The following CDS1 variants were observed in gnomAD, a reference collection of about 807,000 sequenced individuals.
CDS1 encodes the protein phosphatidate cytidylyltransferase 1.
In CDS1, 41 loss-of-function variants were observed where a neutral mutation model predicts 62.1. The ratio of observed to expected loss-of-function variants is 0.66; its 90% confidence interval spans 0.51 to 0.86. The LOEUF is 0.86. Ranked by LOEUF, CDS1 falls within the 40% of genes least tolerant of loss-of-function variation. The pLI is 0.00. For missense variants in CDS1, 470 were observed against 550.1 expected (o/e 0.85, Z 1.46); for synonymous variants, 185 against 192.6 (o/e 0.96, Z 0.32).
At chr4:84,601,575 C>A (rs1290333396) in intron 1 of CDS1, among the ~76,000 whole-genome samples, 2 of 152,106 alleles carry the variant, frequency 1.3e-5, no homozygotes, top group Non-Finnish European at 2.9e-5. Flanking sequence ...AAATTATGAC[C>A]TGGAGAAGAA....
chr4:84,595,122 A>G (rs1229560274), intron 1 of CDS1, among the ~76,000 whole-genome samples: 1 of 152,192 alleles, frequency 6.6e-6, no homozygotes, highest in Non-Finnish European at 1.5e-5. Context: ...CAAAGCTGCA[A>G]AGAGGGAGAG....
chr4:84,623,647 A>G (rs533686513), intron 5 of CDS1, among the ~76,000 whole-genome samples: 2 of 152,198 alleles, frequency 1.3e-5, no homozygotes, highest in African/African-American at 2.4e-5. Context: ...ATGGAATACA[A>G]ACTATCATTT....
chr4:84,642,978 T>C, intron 10 of CDS1, 46 bp from the exon 11 acceptor site: 1 of 1,567,564 alleles, frequency 6.4e-7, no homozygotes, highest in Non-Finnish European at 8.7e-7. Context: ...TCAAATACAA[T>C]TTCAGTGAAA....
chr4:84,635,147 A>G (rs1724138003), intron 7 of CDS1, 117 bp from the exon 8 acceptor site: 1 of 605,180 alleles, frequency 1.7e-6, no homozygotes. Context: ...GGTAGGCTGC[A>G]GTGCAATCCA....
intron 3 of CDS1, among the ~76,000 whole-genome samples, chr4:84,613,006 A>G (rs10446678): frequency 0.34 from 50,348 of 148,192 alleles, 8,871 homozygotes; most frequent in East Asian, 0.48. Context: ...AAAAAAAAAA[A>G]AGAATATTAA....
chr4:84,615,400 C>G (rs748041864), intron 3 of CDS1, among the ~76,000 whole-genome samples: 5 of 152,244 alleles, frequency 3.3e-5, no homozygotes, highest in Non-Finnish European at 7.4e-5. Context: ...TGCTTCAACT[C>G]CTCGGTGCAC....
chr4:84,607,391 C>T (rs561751063), intron 2 of CDS1, among the ~76,000 whole-genome samples: 17 of 151,854 alleles, frequency 1.1e-4, no homozygotes, highest in Admixed American at 2.6e-4. Context: ...TCAAGTGTTC[C>T]TCCCACCTCA....
rs1724635712 is a variant in CDS1 at position 84,649,030 on chromosome 4, C to A, written c.*344C>A. The A allele has an allele frequency of 1.7e-5, 3 of 172,164 alleles. No individual in the cohort carries two copies. The highest frequency in any genetic ancestry group is 7.1e-5 in the African/African-American group (3 of 42,028). 10.7% of individuals were successfully genotyped at this position (172,164 alleles called of 1,614,324 possible). On this transcript the variant is annotated 3_prime_UTR_variant, in exon 13 of 13. Coordinates refer to ENST00000295887, the MANE Select transcript of CDS1 (RefSeq NM_001263.4). The stretch of plus-strand genomic sequence containing the variant: ...AGTTGACGATGTTTTAAGATTGCAC[C>A]TGGCAGTGTGCCTTTTTGCACAAAT...
At chr4:84,611,435 A>G (rs1283264029) in intron 3 of CDS1, among the ~76,000 whole-genome samples, 4 of 151,886 alleles carry the variant, frequency 2.6e-5, no homozygotes, top group Admixed American at 6.6e-5. Flanking sequence ...CATTTTGCCA[A>G]TCTCCCTCCA....
At chr4:84,592,225 A>G (rs1036984952) in intron 1 of CDS1, among the ~76,000 whole-genome samples, 2 of 122,920 alleles carry the variant, frequency 1.6e-5, no homozygotes, top group East Asian at 5.4e-4. Flanking sequence ...GTGCAGTGGC[A>G]CGATCTTGGG....
Position 84,635,295 on chromosome 4 carries a change from AAT to A in CDS1, c.755_756del (p.Asn252ArgfsTer18). Reference sequence around the variant, plus strand: ...TGTTCCAATATCAAGTGTTATCTGCAATGACATAACTGCTTACCTTTTTGGAT... The same window carrying A: ...TGTTCCAATATCAAGTGTTATCTGCAGACATAACTGCTTACCTTTTTGGAT... ...FLVPISSVIC[N>X]DITAYLFGFF... On this transcript the variant is annotated frameshift_variant, in exon 8 of 13. Transcript: ENST00000295887. LOFTEE classifies it high-confidence loss of function. 2 of 1,581,924 alleles carry A rather than the reference AAT, an allele frequency of 1.3e-6. No individual in the cohort carries two copies. The highest frequency in any genetic ancestry group is 1.7e-6 in the Non-Finnish European group (2 of 1,161,932).
intron 1 of CDS1, among the ~76,000 whole-genome samples, chr4:84,594,660 T>G (rs1163284032): frequency 3.3e-5 from 5 of 152,146 alleles, no homozygotes; most frequent in Admixed American, 3.3e-4. Flanking sequence ...TTTAATAATA[T>G]CAAAATGTTA....
intron 10 of CDS1, among the ~76,000 whole-genome samples, chr4:84,642,616 T>C (rs1299270206): frequency 1.3e-5 from 2 of 152,174 alleles, no homozygotes; most frequent in Admixed American, 6.5e-5. Flanking sequence ...TTTTCCCTTA[T>C]TTTATCATAT....
At chr4:84,592,090 G>A (rs756858293) in intron 1 of CDS1, among the ~76,000 whole-genome samples, 6 of 150,160 alleles carry the variant, frequency 4.0e-5, no homozygotes, top group Non-Finnish European at 8.9e-5. Context: ...CTTATTTAAT[G>A]AGAATGACAT....
At chr4:84,644,610 G>C (rs1347864007) in intron 11 of CDS1, among the ~76,000 whole-genome samples, 1 of 152,004 alleles carries the variant, frequency 6.6e-6, no homozygotes, top group East Asian at 1.9e-4. Context: ...TCCATTTCCT[G>C]GGCACCCAGA....
intron 2 of CDS1, 60 bp downstream of exon 2, chr4:84,604,430 T>C: frequency 1.3e-6 from 2 of 1,545,550 alleles, no homozygotes; most frequent in Non-Finnish European, 8.7e-7. Flanking sequence ...AGGTTATCCT[T>C]GTCCATGTAA....
intron 11 of CDS1, 97 bp downstream of exon 11, chr4:84,643,240 T>A: frequency 8.6e-7 from 1 of 1,156,304 alleles, no homozygotes; most frequent in Non-Finnish European, 1.2e-6. Context: ...ATTAAGCCCC[T>A]AGGCCACAAC....
At position 84,645,268 on chromosome 4, in the gene CDS1, T is replaced by G; in HGVS notation, c.1199T>G (p.Phe400Cys). 1 of 1,613,192 alleles carries G rather than the reference T, an allele frequency of 6.2e-7. No homozygotes were observed. Among genetic ancestry groups the G allele is most frequent in the Non-Finnish European group, 8.5e-7 (1 of 1,179,306 alleles). The change falls in exon 12 of 13, where the codon TTT (phenylalanine) becomes TGT (cysteine). Residue 400 changes from phenylalanine (F) to cysteine (C), a missense_variant. This residue lies in a region of CDS1 where 68 missense variants were observed against 81.5 expected (regional missense o/e 0.83). Coordinates refer to ENST00000295887, the MANE Select transcript of CDS1 (RefSeq NM_001263.4). ...GGACATGGTGGGATAATGGACAGAT[T>G]TGATTGTCAGTATTTGATGGCAACT... ...IPGHGGIMDR[F>C]DCQYLMATFV...
intron 2 of CDS1, among the ~76,000 whole-genome samples, chr4:84,604,715 T>C (rs541277137): frequency 6.6e-6 from 1 of 152,310 alleles, no homozygotes; most frequent in East Asian, 1.9e-4. Flanking sequence ...CTAATAAAAC[T>C]CCATAGTCTC....
Sources: allele counts gnomAD v4.1 joint callset (sites outside exome capture counted in the v4.1 genomes callset), GRCh38; gene constraint gnomAD v4.1.1; regional missense constraint gnomAD v4.1.1; transcripts MANE v1.5; gene names NCBI Gene and HGNC (gene_info 2026-07-23, HGNC 2026-07-21).